The following TNRC6B variants were observed in gnomAD, a reference collection of about 807,000 sequenced individuals.
TNRC6B encodes trinucleotide repeat-containing gene 6B protein.
A neutral mutation model predicts 203.6 loss-of-function variants in TNRC6B; 52 were observed. That is an observed-to-expected ratio of 0.26 (90% CI 0.20 to 0.32). The LOEUF (loss-of-function observed/expected upper bound fraction) is 0.32, where lower values mean the gene tolerates loss of function less well. TNRC6B is among the 10% of genes least tolerant of loss of function. TNRC6B has a pLI of 1.00. For missense variants in TNRC6B, 1,923 were observed against 2,286.2 expected (o/e 0.84, Z 3.24); for synonymous variants, 838 against 845.7 (o/e 0.99, Z 0.16).
In TNRC6B at chr22:40,262,122, A is replaced by G. The variant is rs1165650124; in HGVS notation, c.406A>G (p.Asn136Asp). 3 of 1,501,190 alleles carry G rather than the reference A, an allele frequency of 2.0e-6. No individual in the cohort carries two copies. 93.0% of individuals were successfully genotyped at this position (1,501,190 alleles called of 1,614,324 possible). ...CACAGCACCTGGAGCAAACCCAAAC[A>G]ACGCACAAGTGACAGGAGCGCTGCT... is the stretch of plus-strand genomic sequence containing the variant. ...PCTAPGANPN[N>D]AQVTGALLQS... is the part of the protein sequence containing the mutation. Residue 136 changes from asparagine (N) to aspartate (D), a missense_variant, in exon 4 of 23, where the codon AAC (asparagine) becomes GAC (aspartate). Asn to Asp is a conservative substitution (Grantham distance 23). Coordinates refer to ENST00000454349, the MANE Select transcript of TNRC6B (RefSeq NM_001162501.2).
intron 3 of TNRC6B, among the ~76,000 whole-genome samples, chr22:40,144,052 A>T (rs941594993): frequency 1.3e-5 from 2 of 152,244 alleles, no homozygotes; most frequent in Admixed American, 6.5e-5. Flanking sequence ...ACTACAGTTC[A>T]AAAGACTAAT....
chr22:40,231,114 A>G (rs978611690), intron 1 of TNRC6B, among the ~76,000 whole-genome samples: 1 of 152,094 alleles, frequency 6.6e-6, no homozygotes, highest in African/African-American at 2.4e-5. Context: ...CTTTTTGTCT[A>G]TAGAAAAATA....
intron 1 of TNRC6B, among the ~76,000 whole-genome samples, chr22:40,199,648 G>C (rs561283583): frequency 2.0e-5 from 3 of 152,092 alleles, no homozygotes; most frequent in African/African-American, 7.2e-5. Flanking sequence ...TTCTGACCTC[G>C]ATCTTTTTAC....
chr22:40,147,802 T>C (rs535284114), intron 3 of TNRC6B, among the ~76,000 whole-genome samples: 1 of 152,262 alleles, frequency 6.6e-6, no homozygotes, highest in Admixed American at 6.5e-5. Context: ...CAATTATATA[T>C]GAGAAGTCAA....
At chr22:40,132,961 A>ATATATATAT (rs1170193498) in intron 3 of TNRC6B, among the ~76,000 whole-genome samples, 3 of 95,626 alleles carry the variant, frequency 3.1e-5, no homozygotes, top group African/African-American at 1.0e-4. Context: ...AAAAAAAAAA[A>ATATATATAT]AAAAAAAAAT....
intron 1 of TNRC6B, among the ~76,000 whole-genome samples, chr22:40,047,299 C>G (rs1407084722): frequency 6.6e-6 from 1 of 152,102 alleles, no homozygotes; most frequent in Non-Finnish European, 1.5e-5. Flanking sequence ...TTGCCCATAC[C>G]TAACTTAAGA....
chr22:40,321,623 T>C (rs1016290968), intron 22 of TNRC6B: 1 of 174,020 alleles, frequency 5.7e-6, no homozygotes, highest in African/African-American at 2.4e-5. Context: ...CTGTCTCTAC[T>C]AAAACACAAA....
intron 12 of TNRC6B, among the ~76,000 whole-genome samples, chr22:40,297,582 G>A (rs577743753): frequency 6.6e-6 from 1 of 152,286 alleles, no homozygotes; most frequent in Admixed American, 6.5e-5. Flanking sequence ...CCAATACTTC[G>A]GGAGGCCAAG....
At chr22:40,245,690 C>A (rs2070097258) in intron 1 of TNRC6B, among the ~76,000 whole-genome samples, 1 of 149,936 alleles carries the variant, frequency 6.7e-6, no homozygotes, top group Admixed American at 6.8e-5. Flanking sequence ...AAATCAGGTC[C>A]TTTGCTGAGT....
Position 40,324,096 on chromosome 22 carries a change from A to G in TNRC6B, c.*855A>G, listed in dbSNP as rs2146584452. 6.6e-6 allele frequency: 1 copy of G among 152,562 alleles called. No individual in the cohort carries two copies. The highest frequency in any genetic ancestry group is 2.1e-4 in the South Asian group (1 of 4,802). The allele number at this position is 152,562 out of a possible 1,614,324, so 9.5% of individuals were successfully genotyped here. ...CCGGAGAGCCACTGCTACTAAAGCA[A>G]CTCCATTGGGCTGCATTAAGATGAA... On this transcript the variant is annotated 3_prime_UTR_variant, in exon 23 of 23. Coordinates refer to ENST00000454349, the MANE Select transcript of TNRC6B (RefSeq NM_001162501.2).
intron 4 of TNRC6B, among the ~76,000 whole-genome samples, chr22:40,262,902 T>C (rs917067071): frequency 6.6e-6 from 1 of 151,994 alleles, no homozygotes; most frequent in Non-Finnish European, 1.5e-5. Context: ...TAGCCAGGCA[T>C]GGTGGCGGGC....
rs1342455990 is a variant in TNRC6B, at chr22:40,324,692, G to A, written c.*1451G>A. On this transcript the variant is annotated 3_prime_UTR_variant, in exon 23 of 23. Coordinates refer to ENST00000454349, the MANE Select transcript of TNRC6B (RefSeq NM_001162501.2). ...TTAACGAATGTTCTTAAACCAGTGT[G>A]TACTTCAAGCGTTTCCTTTTGTTTC... 6.6e-6 allele frequency: 1 copy of A among 152,618 alleles called. No homozygotes were observed. The highest frequency in any genetic ancestry group is 2.4e-5 in the African/African-American group (1 of 41,442). 9.5% of individuals were successfully genotyped at this position (152,618 alleles called of 1,614,324 possible). A position where few individuals can be genotyped will look rare whatever the true frequency, so the allele number is the denominator to read the frequency against.
intron 3 of TNRC6B, among the ~76,000 whole-genome samples, chr22:40,130,970 C>G (rs1329051172): frequency 6.7e-6 from 1 of 150,286 alleles, no homozygotes; most frequent in Non-Finnish European, 1.5e-5. Flanking sequence ...GGTGCGATCT[C>G]GGGTCACTGC....
intron 12 of TNRC6B, among the ~76,000 whole-genome samples, chr22:40,288,568 A>C (rs959882035): frequency 6.8e-6 from 1 of 147,870 alleles, no homozygotes; most frequent in African/African-American, 2.5e-5. Flanking sequence ...TTTGAGTTGG[A>C]GTCTCACTCT....
intron 12 of TNRC6B, among the ~76,000 whole-genome samples, chr22:40,287,675 A>G (rs2070806659): frequency 6.6e-6 from 1 of 152,234 alleles, no homozygotes; most frequent in Admixed American, 6.5e-5. Flanking sequence ...ACTTTACAGT[A>G]TCCTTTGGTA....
At chr22:40,320,964 G>A in intron 21 of TNRC6B, 126 bp from the exon 22 acceptor site, 1 of 1,048,542 alleles carries the variant, frequency 9.5e-7, no homozygotes, top group Admixed American at 2.1e-5. Context: ...TTTGTTTTGA[G>A]CTGCATTTAT....
chr22:40,207,006 G>A (rs1262677808), intron 1 of TNRC6B, among the ~76,000 whole-genome samples: 3 of 152,128 alleles, frequency 2.0e-5, no homozygotes, highest in Admixed American at 6.5e-5. Flanking sequence ...GAAGGCTCTA[G>A]GAAGAATTGC....
Position 40,276,204 on chromosome 22 carries a change from G to A in TNRC6B, c.3142-873G>A, listed in dbSNP as rs148062398. Among the ~76,000 whole-genome samples the A allele has an allele frequency of 4.0e-3, 605 of 151,904 alleles. 4 individuals are homozygous for A. Among genetic ancestry groups the A allele is most frequent in the African/African-American group, 0.014 (567 of 41,428 alleles). On this transcript the variant is annotated intron_variant, in intron 7 of 22. Coordinates refer to ENST00000454349, the MANE Select transcript of TNRC6B (RefSeq NM_001162501.2). ...CTACTAAAAATACAAAAAATTAACC[G>A]GGCATGGTGGCGGGTGCCTGTAGTC... is the stretch of plus-strand genomic sequence containing the variant.
intron 1 of TNRC6B, among the ~76,000 whole-genome samples, chr22:40,221,375 AGTT>A (rs772451744): frequency 2.0e-5 from 3 of 152,170 alleles, no homozygotes; most frequent in Non-Finnish European, 2.9e-5. Flanking sequence ...AGATACGTTT[AGTT>A]GTTAATTTTC....
Sources: allele counts gnomAD v4.1 joint callset (sites outside exome capture counted in the v4.1 genomes callset), GRCh38; gene constraint gnomAD v4.1.1; transcripts MANE v1.5; gene names NCBI Gene and HGNC (gene_info 2026-07-23, HGNC 2026-07-21).